ADAMTSL1: variants seen among roughly 807,000 people sequenced by gnomAD.
ADAMTSL1 encodes ADAMTS-like protein 1.
ADAMTSL1 carries 126 observed loss-of-function variants against 201.8 expected under a neutral mutation model. The ratio of observed to expected loss-of-function variants is 0.62; its 90% confidence interval spans 0.54 to 0.72. The LOEUF is 0.72. ADAMTSL1 is among the 30% of genes least tolerant of loss of function. The probability of loss-of-function intolerance (pLI) is 0.00; values close to 1 mark genes in which losing one functional copy is unlikely to be tolerated. For missense variants in ADAMTSL1, 2,679 were observed against 2,277.8 expected, an observed-to-expected ratio of 1.18 and a Z score of -3.59; for synonymous variants, 1,121 against 903.4, an observed-to-expected ratio of 1.24 and a Z score of -4.32.
At position 17,940,832 on chromosome 9, in the gene ADAMTSL1, C is replaced by T. The variant is rs575152499; in HGVS notation, c.87+33910C>T. ...CCCCCCAAAAAAAAGAAAGAAATAA[C>T]GACTCGTCATGTCTTTAGGCTCCCA... On this transcript the variant is annotated intron_variant, in intron 1 of 29. Transcript: ENST00000680146. Among the ~76,000 whole-genome samples, 45 of 52,758 alleles carry T rather than the reference C, an allele frequency of 8.5e-4. No homozygotes were observed. The South Asian group carries it at 0.027, about 31-fold the overall frequency. 34.6% of individuals were successfully genotyped at this position (52,758 alleles called of 152,430 possible).
chr9:18,034,104 T>C (rs1821092950), intron 1 of ADAMTSL1, among the ~76,000 whole-genome samples: 1 of 152,174 alleles, frequency 6.6e-6, no homozygotes, highest in Non-Finnish European at 1.5e-5. Flanking sequence ...TATCTCTCAT[T>C]TTCTACAAGC....
intron 2 of ADAMTSL1, among the ~76,000 whole-genome samples, chr9:18,246,746 A>G (rs981278846): frequency 5.9e-5 from 9 of 152,210 alleles, no homozygotes; most frequent in African/African-American, 2.2e-4. Flanking sequence ...TAGCAGGAAC[A>G]TACACATACA....
chr9:18,224,902 C>G (rs1830388920), intron 2 of ADAMTSL1, among the ~76,000 whole-genome samples: 1 of 152,046 alleles, frequency 6.6e-6, no homozygotes, highest in Non-Finnish European at 1.5e-5. Context: ...AATTTATTTT[C>G]CACTCTTTGT....
chr9:17,940,769 A>G (rs1022756096), intron 1 of ADAMTSL1, among the ~76,000 whole-genome samples: 1 of 150,930 alleles, frequency 6.6e-6, no homozygotes, highest in African/African-American at 2.4e-5. Context: ...CGAAAAATAA[A>G]TAAAGGTAAA....
chr9:18,467,008 T>TGAA (rs1821032966), intron 2 of ADAMTSL1, among the ~76,000 whole-genome samples: 1 of 152,232 alleles, frequency 6.6e-6, no homozygotes, highest in Non-Finnish European at 1.5e-5. Context: ...TTCTCTACTG[T>TGAA]CATCTCTGTG....
At chr9:18,315,852 G>A (rs955534057) in intron 2 of ADAMTSL1, among the ~76,000 whole-genome samples, 8 of 152,332 alleles carry the variant, frequency 5.3e-5, no homozygotes, top group East Asian at 3.9e-4. Context: ...CGCAGAGAGC[G>A]AGCGAGGGCT....
intron 23 of ADAMTSL1, among the ~76,000 whole-genome samples, chr9:18,868,107 C>T (rs1827656216): frequency 6.6e-6 from 1 of 152,148 alleles, no homozygotes; most frequent in Non-Finnish European, 1.5e-5. Flanking sequence ...GTTTCATCTG[C>T]TATTGATCCT....
At chr9:18,079,923 A>G (rs1823414315) in intron 1 of ADAMTSL1, among the ~76,000 whole-genome samples, 1 of 152,106 alleles carries the variant, frequency 6.6e-6, no homozygotes, top group African/African-American at 2.4e-5. Context: ...CAACTGGTGG[A>G]TAGTGAGGAA....
chr9:18,313,516 T>C (rs983397605), intron 2 of ADAMTSL1, among the ~76,000 whole-genome samples: 9 of 152,166 alleles, frequency 5.9e-5, no homozygotes, highest in Admixed American at 1.3e-4. Flanking sequence ...TTGATTCAGT[T>C]GGTCAAATGA....
chr9:18,642,173 A>G (rs561509446), intron 7 of ADAMTSL1, among the ~76,000 whole-genome samples: 22 of 152,174 alleles, frequency 1.4e-4, no homozygotes, highest in African/African-American at 5.1e-4. Flanking sequence ...CTGGGTCTTC[A>G]CAGAGAGCTA....
chr9:18,711,669 G>A (rs1179023333), intron 14 of ADAMTSL1, among the ~76,000 whole-genome samples: 63 of 152,246 alleles, frequency 4.1e-4, no homozygotes, highest in Admixed American at 4.1e-3. Context: ...GAGGCTGGGG[G>A]AGGGGCGCCC....
At chr9:18,244,902 C>T (rs144016552) in intron 2 of ADAMTSL1, among the ~76,000 whole-genome samples, 1 of 152,174 alleles carries the variant, frequency 6.6e-6, no homozygotes, top group Non-Finnish European at 1.5e-5. Context: ...CATGCTTCCT[C>T]GTAGTCGCTG....
chr9:18,777,180 G>C lies in ADAMTSL1; in HGVS notation c.2951G>C (p.Arg984Thr), dbSNP rs751662761. The change falls in exon 19 of 29, where the codon AGG becomes ACG. Residue 984 changes from arginine to threonine, a missense_variant. By Grantham distance (71) the Arg-to-Thr change is moderately conservative. Transcript: ENST00000380548. ...AGTGAGGAAGAGGTGCTTGCGGGGAGGAAGGGCGGCCCGAAGGAGGCCCTG... is the reference window on the plus strand; with the variant it reads ...AGTGAGGAAGAGGTGCTTGCGGGGACGAAGGGCGGCCCGAAGGAGGCCCTG... ...PRSEEEVLAGRKGGPKEALQT... is the reference protein window; with the variant it reads ...PRSEEEVLAGTKGGPKEALQT... 47 of 1,612,782 alleles carry C rather than the reference G, an allele frequency of 2.9e-5. No homozygotes were observed. The highest frequency in any genetic ancestry group is 3.9e-5 in the Non-Finnish European group (46 of 1,179,840).
At chr9:18,285,367 A>C (rs1055528707) in intron 2 of ADAMTSL1, among the ~76,000 whole-genome samples, 1 of 152,054 alleles carries the variant, frequency 6.6e-6, no homozygotes. Context: ...TACTGATGAG[A>C]GTGAGGGTCA....
At chr9:18,820,940 A>G (rs1824172432) in intron 21 of ADAMTSL1, among the ~76,000 whole-genome samples, 1 of 152,214 alleles carries the variant, frequency 6.6e-6, no homozygotes, top group Non-Finnish European at 1.5e-5. Flanking sequence ...TGCTGCATTT[A>G]AAGAAGTAAA....
At chr9:18,088,677 C>T (rs1823871709) in intron 1 of ADAMTSL1, among the ~76,000 whole-genome samples, 1 of 152,070 alleles carries the variant, frequency 6.6e-6, no homozygotes, top group South Asian at 2.1e-4. Flanking sequence ...CTACAATCCA[C>T]AATGAGATAT....
At chr9:18,240,239 G>T (rs1348922086) in intron 2 of ADAMTSL1, among the ~76,000 whole-genome samples, 1 of 152,120 alleles carries the variant, frequency 6.6e-6, no homozygotes, top group African/African-American at 2.4e-5. Context: ...AATGGATGTT[G>T]TATTAGCAGG....
chr9:17,911,626 C>T (rs1454174549), intron 1 of ADAMTSL1, among the ~76,000 whole-genome samples: 1 of 68,818 alleles, frequency 1.5e-5, no homozygotes, highest in African/African-American at 2.9e-5. Context: ...TCCTGGTTGG[C>T]TGGAAAGAAT....
At chr9:18,254,398 T>C (rs1285043329) in intron 2 of ADAMTSL1, among the ~76,000 whole-genome samples, 1 of 120,948 alleles carries the variant, frequency 8.3e-6, no homozygotes, top group Non-Finnish European at 1.6e-5. Context: ...AATCTCGCTC[T>C]GTCCCCCAGG....
Sources: allele counts gnomAD v4.1 joint callset (sites outside exome capture counted in the v4.1 genomes callset), GRCh38; gene constraint gnomAD v4.1.1; transcripts MANE v1.5; gene names NCBI Gene and HGNC (gene_info 2026-07-23, HGNC 2026-07-21).